CNNM1: variants seen among roughly 807,000 people sequenced by gnomAD.
CNNM1 encodes the protein metal transporter CNNM1.
Under a neutral mutation model 78.8 loss-of-function variants are expected in CNNM1, and 44 were observed. The ratio of observed to expected loss-of-function variants is 0.56; its 90% CI spans 0.44 to 0.72. The LOEUF is 0.72. Ranked by LOEUF, CNNM1 falls within the 30% of genes least tolerant of loss-of-function variation. The pLI is 0.00. For missense variants in CNNM1, 1,101 were observed against 1,292.2 expected (o/e 0.85, Z 2.27); for synonymous variants, 584 against 581.5 (o/e 1.00, Z -0.06).
chr10:99,370,295 C>G (rs550021789), intron 6 of CNNM1, among the ~76,000 whole-genome samples: 1 of 152,260 alleles, frequency 6.6e-6, no homozygotes, highest in East Asian at 1.9e-4. Flanking sequence ...AGTGTCAACA[C>G]AATGGAAACC....
At chr10:99,388,778 C>T (rs2032383321) in intron 9 of CNNM1, among the ~76,000 whole-genome samples, 1 of 152,144 alleles carries the variant, frequency 6.6e-6, no homozygotes, top group East Asian at 1.9e-4. Context: ...ATTAGGCCTA[C>T]CTTACAGATT....
Position 99,329,633 on chromosome 10 carries a change from C to A in CNNM1, c.246C>A (p.Ala82=). 1 of 1,507,264 alleles carries A rather than the reference C, an allele frequency of 6.6e-7. No homozygotes were observed. The highest frequency in any genetic ancestry group is 1.3e-5 in the South Asian group (1 of 79,644). The allele number at this position is 1,507,264 out of a possible 1,614,324, so 93.4% of individuals were successfully genotyped here. Residue 82 remains alanine (A), a synonymous_variant, in exon 1 of 11, where the codon GCC becomes GCA. Coordinates refer to ENST00000356713, the MANE Select transcript of CNNM1 (RefSeq NM_020348.3). ...TCTATTTCCAGCCAGGACCGCCGGCCACCGCCGCACCGGTGCCCTCACCGA... is the reference window on the plus strand; with the variant it reads ...TCTATTTCCAGCCAGGACCGCCGGCAACCGCCGCACCGGTGCCCTCACCGA... ...LRVYFQPGPP[A]TAAPVPSPTL... is the part of the protein sequence containing the mutation.
rs983139044 is a variant in CNNM1 at position 99,329,743 on chromosome 10, C to A, written c.356C>A (p.Ala119Asp). 3 of 1,502,832 alleles carry A rather than the reference C, an allele frequency of 2.0e-6. No homozygotes were observed. Among genetic ancestry groups the A allele is most frequent in the Non-Finnish European group, 1.8e-6 (2 of 1,135,476 alleles). 93.1% of individuals were successfully genotyped at this position (1,502,832 alleles called of 1,614,324 possible). ...GAGCCCCCGGGCGGTGGCGGCGTGGCCCCCAGCGCGGTCCCCACTCGCCCC... is the reference window on the plus strand; with the variant it reads ...GAGCCCCCGGGCGGTGGCGGCGTGGACCCCAGCGCGGTCCCCACTCGCCCC... ...IEEPPGGGGV[A>D]PSAVPTRPPG... The change falls in exon 1 of 11, where the codon GCC becomes GAC. Residue 119 changes from alanine (A) to aspartate (D), a missense_variant. Physicochemically the swap from Ala to Asp is moderately radical, Grantham distance 126 (BLOSUM62 -2). This residue lies in a region of CNNM1 where 476 missense variants were observed against 484.5 expected (regional missense o/e 0.98). Transcript: ENST00000356713.
chr10:99,389,416 C>CAAAAAAA (rs56180037), intron 9 of CNNM1, among the ~76,000 whole-genome samples: 1 of 83,992 alleles, frequency 1.2e-5, no homozygotes, highest in Non-Finnish European at 2.4e-5. Context: ...GATTCCATCT[C>CAAAAAAA]AAAAAAAAAA....
intron 1 of CNNM1, among the ~76,000 whole-genome samples, chr10:99,347,691 T>A (rs2030757439): frequency 6.6e-6 from 1 of 151,434 alleles, no homozygotes; most frequent in African/African-American, 2.4e-5. Flanking sequence ...GCACCTCCCC[T>A]ACCCCTCAAC....
chr10:99,340,000 G>A (rs909675499), intron 1 of CNNM1, among the ~76,000 whole-genome samples: 1 of 152,132 alleles, frequency 6.6e-6, no homozygotes, highest in Non-Finnish European at 1.5e-5. Flanking sequence ...TTTAAAATGT[G>A]TTAAATGTTG....
At chr10:99,361,221 A>G (rs10883338) in intron 3 of CNNM1, among the ~76,000 whole-genome samples, 75,786 of 152,068 alleles carry the variant, frequency 0.5, 20,836 homozygotes, top group Non-Finnish European at 0.62. Flanking sequence ...GAAAAGAGCT[A>G]AAGAAACCAT....
chr10:99,339,548 T>C (rs948582107), intron 1 of CNNM1, among the ~76,000 whole-genome samples: 3 of 152,214 alleles, frequency 2.0e-5, no homozygotes, highest in African/African-American at 7.2e-5. Context: ...AACCCTATTG[T>C]GAACTGCATA....
intron 1 of CNNM1, among the ~76,000 whole-genome samples, chr10:99,343,059 G>A (rs530979999): frequency 1.4e-4 from 22 of 151,838 alleles, no homozygotes; most frequent in Admixed American, 3.9e-4. Flanking sequence ...TCCACCTCCC[G>A]GTTTCAAGCA....
intron 10 of CNNM1, 138 bp downstream of exon 10, chr10:99,390,545 G>T: frequency 7.5e-6 from 5 of 665,786 alleles, no homozygotes; most frequent in Non-Finnish European, 8.0e-6. Flanking sequence ...GTGGAAATCC[G>T]CAGAAGGGGT....
Position 99,330,370 on chromosome 10 carries a change from C to A in CNNM1, c.983C>A (p.Ala328Glu), listed in dbSNP as rs1333343174. 1 of 1,597,602 alleles carries A rather than the reference C, an allele frequency of 6.3e-7. No individual in the cohort carries two copies. The highest frequency in any genetic ancestry group is 2.3e-5 in the East Asian group (1 of 44,156). Residue 328 changes from alanine to glutamate, a missense_variant, in exon 1 of 11, where the codon GCG becomes GAG. Around this residue, in one of 3 missense-constraint regions of CNNM1, gnomAD observed 476 missense variants for 484.5 expected, o/e 0.98. Transcript: ENST00000356713. ...EEGIHFPWLPALVCTGAVFLG... is the reference protein window; with the variant it reads ...EEGIHFPWLPELVCTGAVFLG... ...GGGATCCACTTCCCGTGGCTGCCGGCGCTCGTGTGCACCGGCGCGGTATTC... is the reference window on the plus strand; with the variant it reads ...GGGATCCACTTCCCGTGGCTGCCGGAGCTCGTGTGCACCGGCGCGGTATTC...
At chr10:99,381,344 A>T (rs1031555183) in intron 7 of CNNM1, among the ~76,000 whole-genome samples, 1 of 149,888 alleles carries the variant, frequency 6.7e-6, no homozygotes, top group Non-Finnish European at 1.5e-5. Context: ...AACCCAGGAC[A>T]CGGAGGTTGT....
intron 10 of CNNM1, 63 bp downstream of exon 10, chr10:99,390,470 G>T (rs2032441635): frequency 8.4e-7 from 1 of 1,191,024 alleles, no homozygotes; most frequent in Non-Finnish European, 1.2e-6. Flanking sequence ...GGAAAAGCAT[G>T]TTAGCATCTT....
At chr10:99,380,555 C>CTGAGG in intron 7 of CNNM1, among the ~76,000 whole-genome samples, 2 of 152,040 alleles carry the variant, frequency 1.3e-5, no homozygotes, top group Admixed American at 6.5e-5. Flanking sequence ...CTTTGGGAGG[C>CTGAGG]CAAGATGGGT....
At chr10:99,363,226 C>G (rs1443402222) in intron 4 of CNNM1, among the ~76,000 whole-genome samples, 1 of 152,220 alleles carries the variant, frequency 6.6e-6, no homozygotes, top group African/African-American at 2.4e-5. Flanking sequence ...CTGTCCACTT[C>G]CAGCCTCTCT....
At chr10:99,375,652 C>T (rs945924632) in intron 6 of CNNM1, among the ~76,000 whole-genome samples, 2 of 152,200 alleles carry the variant, frequency 1.3e-5, no homozygotes, top group Non-Finnish European at 2.9e-5. Context: ...ATCAACCTTC[C>T]ATGACTCATT....
chr10:99,356,564 G>GA (rs2031190172), intron 1 of CNNM1, among the ~76,000 whole-genome samples: 1 of 98,186 alleles, frequency 1.0e-5, no homozygotes, highest in Non-Finnish European at 2.1e-5. Context: ...CAGACAGACA[G>GA]AAAGAAAGAA....
intron 6 of CNNM1, 31 bp downstream of exon 6, chr10:99,365,033 T>A (rs1315534639): frequency 1.2e-6 from 2 of 1,612,816 alleles, no homozygotes; most frequent in South Asian, 2.2e-5. Flanking sequence ...TTCCTCGTCC[T>A]CCCCATCGTA....
At chr10:99,370,780 A>G (rs1412573010) in intron 6 of CNNM1, among the ~76,000 whole-genome samples, 1 of 152,188 alleles carries the variant, frequency 6.6e-6, no homozygotes, top group Non-Finnish European at 1.5e-5. Context: ...TTGATTTCTG[A>G]TCCAGATACA....
Sources: gnomAD v4.1 joint callset for allele counts (sites outside exome capture counted in the v4.1 genomes callset) on GRCh38, gnomAD v4.1.1 for gene constraint, gnomAD v4.1.1 regional missense constraint, MANE v1.5 for transcripts, NCBI Gene and HGNC (gene_info 2026-07-23, HGNC 2026-07-21) for gene names.